Variants in ABL2 observed in about 807,000 individuals in gnomAD.
ABL2 encodes ABL proto-oncogene 2, non-receptor tyrosine kinase, also known as tyrosine-protein kinase ABL2.
A neutral mutation model predicts 107.7 loss-of-function variants in ABL2; 49 were observed. The observed-to-expected ratio is 0.45, with a 90% CI of 0.36 to 0.58. The LOEUF (loss-of-function observed/expected upper bound fraction) is 0.58, where lower values mean the gene tolerates loss of function less well. ABL2 is among the 20% of genes least tolerant of loss of function. The pLI is 0.00. For synonymous variants in ABL2, 549 were observed against 548.6 expected (o/e 1.00, Z -0.01); for missense variants, 1,245 against 1,457.0 (o/e 0.85, Z 2.37).
intron 1 of ABL2, among the ~76,000 whole-genome samples, chr1:179,213,061 A>AAAG (rs1558003241): frequency 6.7e-6 from 1 of 148,222 alleles, no homozygotes; most frequent in Admixed American, 6.8e-5. Context: ...AAAAAAAAAA[A>AAAG]AAAGAAATAT....
At chr1:179,112,186 A>T in intron 10 of ABL2, 123 bp downstream of exon 10, 1 of 755,166 alleles carries the variant, frequency 1.3e-6, no homozygotes, top group Non-Finnish European at 2.2e-6. Flanking sequence ...CCTTGTAGTT[A>T]AAAGTTGAAA....
At chr1:179,165,589 A>G (rs1659329757) in intron 1 of ABL2, among the ~76,000 whole-genome samples, 2 of 152,134 alleles carry the variant, frequency 1.3e-5, no homozygotes, top group African/African-American at 4.8e-5. Context: ...GTTCAGATTT[A>G]TTTTGTTGGC....
intron 1 of ABL2, among the ~76,000 whole-genome samples, chr1:179,187,702 C>T (rs566013088): frequency 6.6e-6 from 1 of 152,218 alleles, no homozygotes; most frequent in African/African-American, 2.4e-5. Flanking sequence ...TTCTTACCTC[C>T]ATTCCTCAAG....
In ABL2 at chr1:179,143,087, G is replaced by T. The variant is rs531703693; in HGVS notation, c.158-9713C>A. 7.2e-5 allele frequency: 116 copies of T among 1,602,010 alleles called. No homozygotes were observed. The South Asian group carries it at 1.2e-3, about 17-fold the overall frequency. ...CAAAAGTTAAACTGTTCTGTGTAAA[G>T]AGGAAGTCTTAGAATTCCATTCTCT... is the stretch of plus-strand genomic sequence containing the variant. On this transcript the variant is annotated intron_variant, in intron 1 of 11. Transcript: ENST00000502732.
intron 1 of ABL2, among the ~76,000 whole-genome samples, chr1:179,203,623 A>T (rs1339125113): frequency 6.6e-6 from 1 of 152,182 alleles, no homozygotes; most frequent in Non-Finnish European, 1.5e-5. Flanking sequence ...AAGCCCATGC[A>T]TTAAGAAAGG....
At chr1:179,109,625 T>C (rs1347414959) in intron 11 of ABL2, among the ~76,000 whole-genome samples, 184 bp from the exon 12 acceptor site, 1 of 151,824 alleles carries the variant, frequency 6.6e-6, no homozygotes, top group Non-Finnish European at 1.5e-5. Context: ...GTGATGTAAG[T>C]TAAAAATGGG....
intron 1 of ABL2, among the ~76,000 whole-genome samples, chr1:179,193,193 A>G (rs1661114799): frequency 6.6e-6 from 1 of 152,178 alleles, no homozygotes. Flanking sequence ...AAAAAAATAT[A>G]ATAATCTGTT....
At chr1:179,159,074 C>T (rs1341968324) in intron 1 of ABL2, among the ~76,000 whole-genome samples, 1 of 152,126 alleles carries the variant, frequency 6.6e-6, no homozygotes, top group Non-Finnish European at 1.5e-5. Context: ...AGCCAGATTC[C>T]CTGGGTCTGA....
chr1:179,205,029 CTT>C (rs752957278), intron 1 of ABL2, among the ~76,000 whole-genome samples: 7 of 138,190 alleles, frequency 5.1e-5, no homozygotes, highest in Non-Finnish European at 6.2e-5. Flanking sequence ...AACTCTTTTT[CTT>C]TTTTTTTTTT....
chr1:179,213,416 G>C (rs965312707), intron 1 of ABL2, among the ~76,000 whole-genome samples: 1 of 151,068 alleles, frequency 6.6e-6, no homozygotes, highest in African/African-American at 2.4e-5. Context: ...CTATCCTCCC[G>C]CCTCTGCCTC....
At chr1:179,152,113 G>C (rs926262450) in intron 1 of ABL2, among the ~76,000 whole-genome samples, 1 of 152,246 alleles carries the variant, frequency 6.6e-6, no homozygotes, top group South Asian at 2.1e-4. Flanking sequence ...TGGAAACCTG[G>C]GTAGGCTAAT....
At chr1:179,157,530 G>A (rs1484047442) in intron 1 of ABL2, among the ~76,000 whole-genome samples, 1 of 151,782 alleles carries the variant, frequency 6.6e-6, no homozygotes, top group Non-Finnish European at 1.5e-5. Flanking sequence ...GAACTGGTAT[G>A]CAAATATTCC....
rs763928241 is a variant in ABL2 at position 179,131,304 on chromosome 1, G to A, written c.391+7C>T. 5 of 1,611,890 alleles carry A rather than the reference G, an allele frequency of 3.1e-6. No individual in the cohort carries two copies. The Admixed American group carries it at 5.0e-5, about 16-fold the overall frequency. ...AAAAGTGAAAGGATGCTACATAGAA[G>A]CCTCACCTTTAGTGATGCTGAGTGT... On this transcript the variant is annotated splice_region_variant and intron_variant, in intron 3 of 11. Transcript: ENST00000502732.
At position 179,196,778 on chromosome 1, in the gene ABL2, A is replaced by G. The variant is rs1661333307; in HGVS notation, c.157+32463T>C. On this transcript the variant is annotated intron_variant, in intron 1 of 11. Coordinates refer to ENST00000502732, the MANE Select transcript of ABL2 (RefSeq NM_007314.4). ...CTCAGTCTTAAAAAACAAACAAACA[A>G]AAAAAAACAAAAAAAAAAACCCCAC... Among the ~76,000 whole-genome samples the G allele has an allele frequency of 2.6e-5, 4 of 151,888 alleles. No individual in the cohort carries two copies. The South Asian group carries it at 8.3e-4, about 32-fold the overall frequency.
In ABL2 at chr1:179,104,060, G is replaced by T. The variant is rs994863589; in HGVS notation, c.*3658C>A. 4.3e-6 allele frequency: 1 copy of T among 233,026 alleles called. No homozygotes were observed. Among genetic ancestry groups the T allele is most frequent in the East Asian group, 6.0e-5 (1 of 16,536 alleles). The allele number at this position is 233,026 out of a possible 1,614,324, so 14.4% of individuals were successfully genotyped here. ...CAGTTTTTTTTGTTTGTTTTGTTTT[G>T]TTTTTTAACCCTAGGGGATTCTGCT... On this transcript the variant is annotated 3_prime_UTR_variant, in exon 12 of 12. Coordinates refer to ENST00000502732, the MANE Select transcript of ABL2 (RefSeq NM_007314.4).
In ABL2 at chr1:179,201,641, T is replaced by C; in HGVS notation, c.157+27600A>G. On this transcript the variant is annotated intron_variant, in intron 1 of 11. Coordinates refer to ENST00000502732, the MANE Select transcript of ABL2 (RefSeq NM_007314.4). ...CTGCCTACATGGATACCCAAGAGTC[T>C]TCCTTTCGGGATAGCGTGTCCTCTT... 6.3e-6 allele frequency: 3 copies of C among 478,430 alleles called. 1 individual carries two copies. The highest frequency in any genetic ancestry group is 5.9e-5 in the South Asian group (3 of 50,880). 29.6% of individuals were successfully genotyped at this position (478,430 alleles called of 1,614,324 possible). A position where few individuals can be genotyped will look rare whatever the true frequency, so the allele number is the denominator to read the frequency against.
rs1655979500 is a variant in ABL2 at position 179,128,658 on chromosome 1, G to A, written c.392-1986C>T. ...ATGACTAGTATGGATTCAAATATTG[G>A]CCAAACTGGCAGAGCAACCCTAGGG... is the stretch of plus-strand genomic sequence containing the variant. On this transcript the variant is annotated intron_variant, in intron 3 of 11. Transcript: ENST00000502732. Among the ~76,000 whole-genome samples the A allele has an allele frequency of 3.3e-5, 5 of 152,050 alleles. No homozygotes were observed. In the South Asian group the frequency reaches 8.3e-4, roughly 25 times the overall value.
chr1:179,126,116 A>C lies in ABL2; in HGVS notation c.687+261T>G, dbSNP rs1053097291. ...TACTGATTATAAGAACAGCTAACTT[A>C]TAGAGCAGTTCCCTTCATTCTTCAC... is the stretch of plus-strand genomic sequence containing the variant. On this transcript the variant is annotated intron_variant, in intron 4 of 11. Coordinates refer to ENST00000502732, the MANE Select transcript of ABL2 (RefSeq NM_007314.4). This position sits in a 1 kb window ranked among gnomAD's most constrained non-coding sequence, Gnocchi z 4.4. 1.1e-4 allele frequency among the ~76,000 whole-genome samples: 16 copies of C among 152,212 alleles called. No homozygotes were observed. The highest frequency in any genetic ancestry group is 2.0e-4 in the Admixed American group (3 of 15,274).
chr1:179,210,519 G>A (rs201687885), intron 1 of ABL2, among the ~76,000 whole-genome samples: 2,321 of 102,174 alleles, frequency 0.023, 39 homozygotes, highest in African/African-American at 0.062. Context: ...AAAAAAAAAA[G>A]AAAAAAAAAA....
Sources: gnomAD v4.1 joint callset for allele counts (sites outside exome capture counted in the v4.1 genomes callset) on GRCh38, gnomAD v4.1.1 for gene constraint, Gnocchi (gnomAD v3.1) non-coding constraint, MANE v1.5 for transcripts, NCBI Gene and HGNC (gene_info 2026-07-23, HGNC 2026-07-21) for gene names.